Variants in ATP8A2 observed in about 807,000 individuals in gnomAD.
ATP8A2 encodes the protein ATPase phospholipid transporting 8A2.
In ATP8A2, 100 loss-of-function variants were observed where a neutral mutation model predicts 165.6. The observed-to-expected ratio is 0.60, with a 90% CI of 0.51 to 0.71. The LOEUF is 0.71. ATP8A2 is among the 30% of genes least tolerant of loss of function. The pLI, the probability that ATP8A2 is intolerant of heterozygous loss-of-function variation, is 0.00. For synonymous variants in ATP8A2, 543 were observed against 548.8 expected (o/e 0.99, Z 0.15); for missense variants, 1,227 against 1,479.5 (o/e 0.83, Z 2.80).
At chr13:25,597,260 TG>T (rs1310377443) in intron 24 of ATP8A2, among the ~76,000 whole-genome samples, 1 of 152,214 alleles carries the variant, frequency 6.6e-6, no homozygotes, top group Non-Finnish European at 1.5e-5. Flanking sequence ...GACCCTAGGC[TG>T]GCCTCCAATA....
intron 1 of ATP8A2, among the ~76,000 whole-genome samples, chr13:25,422,248 G>A (rs924783329): frequency 5.9e-5 from 9 of 152,122 alleles, no homozygotes; most frequent in Non-Finnish European, 1.3e-4. Flanking sequence ...TTGAAAGCAA[G>A]TATGATTGAT....
intron 27 of ATP8A2, among the ~76,000 whole-genome samples, chr13:25,827,397 C>T (rs1951349988): frequency 6.6e-6 from 1 of 152,222 alleles, no homozygotes; most frequent in African/African-American, 2.4e-5. Context: ...CAGGCATGAG[C>T]CACCACGCCC....
At chr13:25,928,108 ATCT>A (rs1954664480) in intron 33 of ATP8A2, among the ~76,000 whole-genome samples, 1 of 152,206 alleles carries the variant, frequency 6.6e-6, no homozygotes, top group Admixed American at 6.5e-5. Flanking sequence ...ACAAACCCAC[ATCT>A]TCTCCCCGTC....
intron 33 of ATP8A2, among the ~76,000 whole-genome samples, chr13:25,881,587 G>A (rs1056860785): frequency 6.6e-6 from 1 of 151,354 alleles, no homozygotes; most frequent in Non-Finnish European, 1.5e-5. Flanking sequence ...TGGAGAGAGA[G>A]AGAGAGAAAG....
Position 26,018,147 on chromosome 13 carries a change from C to A in ATP8A2, c.3470-1741C>A, listed in dbSNP as rs575831388. Among the ~76,000 whole-genome samples the A allele has an allele frequency of 1.2e-3, 190 of 152,348 alleles. 2 individuals carry two copies. Among genetic ancestry groups the A allele is most frequent in the African/African-American group, 4.3e-3 (180 of 41,574 alleles). On this transcript the variant is annotated intron_variant, in intron 36 of 36. Transcript: ENST00000381655. ...TCAACTCTCAGGCCACCTCTGCAGA[C>A]AAGCCCTTGCCTCCCCCGATAACCC...
intron 1 of ATP8A2, among the ~76,000 whole-genome samples, chr13:25,416,145 T>C (rs1422102403): frequency 1.3e-5 from 2 of 152,246 alleles, no homozygotes; most frequent in Non-Finnish European, 2.9e-5. Flanking sequence ...CTTTGTTGAA[T>C]ACGTTATACA....
chr13:25,616,322 C>CTTTA (rs2040822284), intron 24 of ATP8A2, among the ~76,000 whole-genome samples: 1 of 134,376 alleles, frequency 7.4e-6, no homozygotes, highest in South Asian at 2.4e-4. Context: ...TTCTTTCTTT[C>CTTTA]TTTCTTTTTT....
intron 2 of ATP8A2, among the ~76,000 whole-genome samples, chr13:25,514,536 G>A (rs750710546): frequency 5.3e-5 from 8 of 152,152 alleles, no homozygotes; most frequent in Non-Finnish European, 8.8e-5. Context: ...GGTGCCCTGG[G>A]AATACTCCTG....
rs1383926359 is a variant in ATP8A2 at position 25,531,375 on chromosome 13, TTA to T, written c.420+723_420+724del. Among the ~76,000 whole-genome samples the T allele has an allele frequency of 6.8e-3, 565 of 82,826 alleles. 36 individuals are homozygous for T. The highest frequency in any genetic ancestry group is 0.018 in the African/African-American group (290 of 16,396). The allele number at this position is 82,826 out of a possible 152,430, so 54.3% of individuals were successfully genotyped here. ...ATATGTTATATATGATATATATATG[TTA>T]TATATATGATATATATATGATTATA... On this transcript the variant is annotated intron_variant, in intron 4 of 36. Coordinates refer to ENST00000381655, the MANE Select transcript of ATP8A2 (RefSeq NM_016529.6).
intron 1 of ATP8A2, among the ~76,000 whole-genome samples, chr13:25,400,436 T>G (rs941347270): frequency 2.6e-5 from 4 of 152,232 alleles, no homozygotes; most frequent in African/African-American, 9.6e-5. Flanking sequence ...GTTTGTTACC[T>G]GCATAGAATG....
chr13:25,863,732 C>G (rs1259908626), intron 33 of ATP8A2: 2 of 152,290 alleles, frequency 1.3e-5, no homozygotes, highest in African/African-American at 4.8e-5. Flanking sequence ...CCTGGTAGCT[C>G]TGTCAGCTAA....
chr13:25,424,998 G>T (rs931889772), intron 1 of ATP8A2, among the ~76,000 whole-genome samples: 1 of 152,176 alleles, frequency 6.6e-6, no homozygotes, highest in African/African-American at 2.4e-5. Flanking sequence ...TGTCATTAAA[G>T]ATGTTTCCTG....
At chr13:25,731,951 A>G (rs1372495565) in intron 25 of ATP8A2, among the ~76,000 whole-genome samples, 1 of 152,226 alleles carries the variant, frequency 6.6e-6, no homozygotes, top group Non-Finnish European at 1.5e-5. Context: ...AAACTGGGAA[A>G]TTAGACTGCT....
At chr13:25,892,580 C>CCTCT (rs55782604) in intron 33 of ATP8A2, among the ~76,000 whole-genome samples, 2,581 of 144,214 alleles carry the variant, frequency 0.018, 55 homozygotes, top group African/African-American at 0.053. Context: ...AATGGAAACA[C>CCTCT]CTCTCTCTCT....
chr13:26,009,604 G>C (rs1242321361), intron 35 of ATP8A2, among the ~76,000 whole-genome samples: 1 of 152,150 alleles, frequency 6.6e-6, no homozygotes, highest in Non-Finnish European at 1.5e-5. Context: ...AGGCCTGGGT[G>C]GTCATTGAGC....
At chr13:25,566,635 A>G (rs1257350833) in intron 16 of ATP8A2, among the ~76,000 whole-genome samples, 1 of 152,196 alleles carries the variant, frequency 6.6e-6, no homozygotes, top group Non-Finnish European at 1.5e-5. Context: ...AGGAAATAAG[A>G]TGAGCAGCGT....
chr13:25,713,338 C>G (rs1284680838), intron 25 of ATP8A2, among the ~76,000 whole-genome samples: 1 of 152,120 alleles, frequency 6.6e-6, no homozygotes, highest in Non-Finnish European at 1.5e-5. Context: ...TAGAATTTTT[C>G]ACCAGTTTAT....
intron 10 of ATP8A2, among the ~76,000 whole-genome samples, chr13:25,547,919 T>G (rs931817260): frequency 6.6e-6 from 1 of 152,106 alleles, no homozygotes; most frequent in African/African-American, 2.4e-5. Context: ...TTGTAGGAAT[T>G]TAACATTAAA....
chr13:25,771,215 C>T (rs763027776), intron 26 of ATP8A2, among the ~76,000 whole-genome samples: 10 of 152,220 alleles, frequency 6.6e-5, no homozygotes, highest in Non-Finnish European at 1.2e-4. Context: ...TATCAGGTGA[C>T]TTACATCAGG....
Sources: allele counts gnomAD v4.1 joint callset (sites outside exome capture counted in the v4.1 genomes callset), GRCh38; gene constraint gnomAD v4.1.1; transcripts MANE v1.5; gene names NCBI Gene and HGNC (gene_info 2026-07-23, HGNC 2026-07-21).